ACBD6: variants seen among roughly 807,000 people sequenced by gnomAD.
ACBD6 encodes acyl-CoA-binding domain-containing protein 6.
ACBD6 carries 28 observed loss-of-function variants against 37.2 expected under a neutral mutation model. That is an observed-to-expected ratio of 0.75 (90% CI 0.56 to 1.03). ACBD6 has a LOEUF of 1.03. Among genes scored for constraint, ACBD6 ranks in the 50% least tolerant of loss-of-function variants. The pLI is 0.00. For synonymous variants in ACBD6, 113 were observed against 126.8 expected (o/e 0.89, Z 0.73); for missense variants, 340 against 337.4 (o/e 1.01, Z -0.06).
chr1:180,492,202 T>C, intron 3 of ACBD6, 67 bp downstream of exon 3: 1 of 1,181,874 alleles, frequency 8.5e-7, no homozygotes, highest in Non-Finnish European at 1.3e-6. Flanking sequence ...AGTTTAGTTT[T>C]AGACATTTAT....
At chr1:180,369,616 A>G (rs543195960) in intron 6 of ACBD6, among the ~76,000 whole-genome samples, 1 of 152,278 alleles carries the variant, frequency 6.6e-6, no homozygotes, top group African/African-American at 2.4e-5. Context: ...CAGTTTTTAA[A>G]ATGTTAAAAT....
intron 3 of ACBD6, among the ~76,000 whole-genome samples, chr1:180,470,785 A>G (rs1412469686): frequency 6.6e-6 from 1 of 152,222 alleles, no homozygotes; most frequent in Non-Finnish European, 1.5e-5. Context: ...TCCGGGCATT[A>G]AGAGGTCACT....
At chr1:180,323,555 T>C (rs2149296126) in intron 6 of ACBD6, among the ~76,000 whole-genome samples, 1 of 152,212 alleles carries the variant, frequency 6.6e-6, no homozygotes, top group Non-Finnish European at 1.5e-5. Context: ...CCTCTAATAA[T>C]ATTTCCTTTA....
chr1:180,401,726 T>C (rs535425480), intron 5 of ACBD6, among the ~76,000 whole-genome samples: 4 of 148,024 alleles, frequency 2.7e-5, no homozygotes, highest in East Asian at 4.0e-4. Context: ...AGGTGGAGGT[T>C]GCAGTGAGAT....
At chr1:180,453,419 T>G (rs556854327) in intron 3 of ACBD6, among the ~76,000 whole-genome samples, 3 of 152,296 alleles carry the variant, frequency 2.0e-5, no homozygotes, top group Admixed American at 2.0e-4. Flanking sequence ...AGCTATTTAT[T>G]ACAAACCCAC....
chr1:180,477,972 T>C (rs1024771451), intron 3 of ACBD6, among the ~76,000 whole-genome samples: 7 of 123,288 alleles, frequency 5.7e-5, no homozygotes, highest in African/African-American at 2.7e-4. Context: ...TGAGACTCCA[T>C]CTCTTTAAAA....
intron 5 of ACBD6, among the ~76,000 whole-genome samples, chr1:180,406,069 A>G (rs969115127): frequency 1.3e-5 from 2 of 152,162 alleles, no homozygotes; most frequent in Non-Finnish European, 2.9e-5. Flanking sequence ...ACCCTAAAAC[A>G]TCTAAGCATA....
downstream of ACBD6, among the ~76,000 whole-genome samples, chr1:180,283,454 C>T (rs1649376385): frequency 6.6e-6 from 1 of 152,086 alleles, no homozygotes; most frequent in Non-Finnish European, 1.5e-5. Flanking sequence ...GCAGCTCCTC[C>T]CCTGGTTTTC....
chr1:180,497,978 T>C (rs762233617), intron 1 of ACBD6, among the ~76,000 whole-genome samples: 22 of 152,228 alleles, frequency 1.4e-4, no homozygotes, highest in Admixed American at 2.6e-4. Context: ...TCAATGAATT[T>C]TTCATACTGT....
intron 6 of ACBD6, among the ~76,000 whole-genome samples, chr1:180,341,729 T>C (rs919327362): frequency 3.3e-5 from 5 of 152,142 alleles, no homozygotes; most frequent in Non-Finnish European, 7.4e-5. Flanking sequence ...CACTTGTTTT[T>C]GTAAAAATTT....
At chr1:180,424,631 A>C (rs1648510081) in intron 4 of ACBD6, among the ~76,000 whole-genome samples, 1 of 152,194 alleles carries the variant, frequency 6.6e-6, no homozygotes, top group East Asian at 1.9e-4. Context: ...GCACACATAC[A>C]TACACACACC....
intron 3 of ACBD6, among the ~76,000 whole-genome samples, chr1:180,456,003 G>C (rs779600536): frequency 6.6e-6 from 1 of 152,094 alleles, no homozygotes. Context: ...CTGAGGTCAG[G>C]AGTTCGAGAC....
intron 7 of ACBD6, among the ~76,000 whole-genome samples, chr1:180,298,628 C>T (rs890056334): frequency 1.3e-5 from 2 of 152,150 alleles, no homozygotes; most frequent in Non-Finnish European, 2.9e-5. Flanking sequence ...AAAATGCTAC[C>T]TGAGGCTAAT....
intron 3 of ACBD6, among the ~76,000 whole-genome samples, chr1:180,481,329 G>A (rs922126175): frequency 3.3e-5 from 5 of 151,692 alleles, no homozygotes; most frequent in Non-Finnish European, 5.9e-5. Context: ...AATAAATTTA[G>A]AATCAATATA....
At chr1:180,388,601 ATT>A (rs34380522) in intron 6 of ACBD6, among the ~76,000 whole-genome samples, 66 of 150,186 alleles carry the variant, frequency 4.4e-4, no homozygotes, top group African/African-American at 9.5e-4. Flanking sequence ...ACACAGATCA[ATT>A]TTTTTTTTTT....
intron 5 of ACBD6, among the ~76,000 whole-genome samples, chr1:180,403,160 C>T (rs575568124): frequency 4.4e-4 from 67 of 152,154 alleles, no homozygotes; most frequent in African/African-American, 1.5e-3. Context: ...AGAATAATAT[C>T]AAAACGGTGG....
chr1:180,366,851 A>C (rs952726791), intron 6 of ACBD6, among the ~76,000 whole-genome samples: 1 of 152,196 alleles, frequency 6.6e-6, no homozygotes, highest in Admixed American at 6.5e-5. Flanking sequence ...TCCGATAGCT[A>C]TGAATTCTAG....
chr1:180,355,569 T>G (rs1652592016), intron 6 of ACBD6, among the ~76,000 whole-genome samples: 1 of 152,204 alleles, frequency 6.6e-6, no homozygotes, highest in South Asian at 2.1e-4. Flanking sequence ...TCTCTTTTAT[T>G]TTTTATATTA....
intron 8 of ACBD6, among the ~76,000 whole-genome samples, chr1:180,281,623 C>A (rs1306489922): frequency 3.3e-5 from 5 of 152,140 alleles, no homozygotes; most frequent in Non-Finnish European, 7.4e-5. Context: ...ATTCCTAGTG[C>A]CTTTCTTCAT....
Sources: allele counts gnomAD v4.1 joint callset (sites outside exome capture counted in the v4.1 genomes callset), GRCh38; gene constraint gnomAD v4.1.1; transcripts MANE v1.5; gene names NCBI Gene and HGNC (gene_info 2026-07-23, HGNC 2026-07-21).